PCYT1A: variants seen among roughly 807,000 people sequenced by gnomAD.
The protein encoded by PCYT1A is phosphate cytidylyltransferase 1A, choline, also known as choline-phosphate cytidylyltransferase A.
PCYT1A carries 25 observed loss-of-function variants against 43.7 expected under a neutral mutation model. The ratio of observed to expected loss-of-function variants is 0.57; its 90% confidence interval spans 0.42 to 0.80. PCYT1A has a LOEUF of 0.80. Among genes scored for constraint, PCYT1A ranks in the 30% least tolerant of loss-of-function variants. The pLI, the probability that PCYT1A is intolerant of heterozygous loss-of-function variation, is 0.00. For synonymous variants in PCYT1A, 172 were observed against 170.7 expected (o/e 1.01, Z -0.06); for missense variants, 421 against 474.2 (o/e 0.89, Z 1.04).
At position 196,245,612 on chromosome 3, in the gene PCYT1A, T is replaced by C. The variant is rs115304460; in HGVS notation, c.486+1755A>G. Among the ~76,000 whole-genome samples, 1,120 of 151,954 alleles carry C rather than the reference T, an allele frequency of 7.4e-3. 14 individuals carry two copies. Among genetic ancestry groups the C allele is most frequent in the African/African-American group, 0.026 (1,072 of 41,450 alleles). The stretch of plus-strand genomic sequence containing the variant: ...TACCATCCCCGAGAGACCACTGTAG[T>C]GTGAAGCATGTTCATTGGGACTATG... On this transcript the variant is annotated intron_variant, in intron 5 of 8. Transcript: ENST00000431016.
At chr3:196,255,538 T>C (rs1724927490) in intron 3 of PCYT1A, among the ~76,000 whole-genome samples, 1 of 152,116 alleles carries the variant, frequency 6.6e-6, no homozygotes, top group South Asian at 2.1e-4. Context: ...GCTTTAAAAC[T>C]TGGAAACAGG....
intron 3 of PCYT1A, 126 bp downstream of exon 3, chr3:196,257,661 AC>A (rs1724988365): frequency 1.7e-6 from 1 of 595,298 alleles, no homozygotes; most frequent in Non-Finnish European, 3.1e-6. Context: ...GGTGAGAAGA[AC>A]CCCTTCGCTG....
chr3:196,262,950 G>A (rs1455191807), intron 2 of PCYT1A, among the ~76,000 whole-genome samples: 2 of 151,778 alleles, frequency 1.3e-5, no homozygotes, highest in African/African-American at 4.8e-5. Flanking sequence ...ACCCACCACT[G>A]CGCCTGCTTA....
At chr3:196,283,106 G>A (rs1297486281) in intron 1 of PCYT1A, among the ~76,000 whole-genome samples, 1 of 152,232 alleles carries the variant, frequency 6.6e-6, no homozygotes, top group African/African-American at 2.4e-5. Context: ...GGGAGGCCGA[G>A]GCGGATGGAT....
intron 2 of PCYT1A, among the ~76,000 whole-genome samples, chr3:196,258,953 C>T (rs750241725): frequency 2.0e-5 from 3 of 152,166 alleles, no homozygotes; most frequent in Non-Finnish European, 4.4e-5. Flanking sequence ...GATATCTGGC[C>T]TCACAAAATA....
chr3:196,264,334 C>A (rs1651412187), intron 2 of PCYT1A, among the ~76,000 whole-genome samples: 1 of 152,134 alleles, frequency 6.6e-6, no homozygotes, highest in Admixed American at 6.5e-5. Context: ...AGGGATCCTC[C>A]CACCTTGGCC....
At chr3:196,278,576 G>C (rs868824338) in intron 1 of PCYT1A, among the ~76,000 whole-genome samples, 3 of 152,164 alleles carry the variant, frequency 2.0e-5, no homozygotes, top group African/African-American at 7.2e-5. Context: ...GAGACAGGAA[G>C]AAAAGTATTT....
At chr3:196,241,131 TAAAAAAAAAAAAAAAAAAAA>T (rs1209954920) in intron 7 of PCYT1A, among the ~76,000 whole-genome samples, 2 of 49,660 alleles carry the variant, frequency 4.0e-5, no homozygotes, top group South Asian at 1.1e-3. Flanking sequence ...CCATCTCTGC[TAAAAAAAAAAAAAAAAAAAA>T]AAAAAAAAAA....
chr3:196,267,238 A>C, intron 2 of PCYT1A: 1 of 439,742 alleles, frequency 2.3e-6, no homozygotes, highest in Non-Finnish European at 4.5e-6. Context: ...TGAATCTTCA[A>C]AACAAGCTCA....
Position 196,268,403 on chromosome 3 carries a change from T to C in PCYT1A, c.117+2012A>G, listed in dbSNP as rs1219201123. ...ATTGCTGAGTCACTTTCTGAGCTTA[T>C]TTGCTGTAGTATGCAGAATAATGCC... On this transcript the variant is annotated intron_variant, in intron 2 of 8. Transcript: ENST00000431016. The surrounding 1 kb of genome is among the most constrained non-coding windows in gnomAD (Gnocchi z 4.4). 2.0e-5 allele frequency among the ~76,000 whole-genome samples: 3 copies of C among 152,212 alleles called. No individual in the cohort carries two copies. The highest frequency in any genetic ancestry group is 4.4e-5 in the Non-Finnish European group (3 of 68,040).
At position 196,237,037 on chromosome 3, in the gene PCYT1A, G is replaced by A. The variant is rs1284242796; in HGVS notation, c.*1651C>T. 1 of 152,270 alleles carries A rather than the reference G, an allele frequency of 6.6e-6. No homozygotes were observed. Among genetic ancestry groups the A allele is most frequent in the East Asian group, 1.9e-4 (1 of 5,202 alleles). 9.4% of individuals were successfully genotyped at this position (152,270 alleles called of 1,614,324 possible). A position where few individuals can be genotyped will look rare whatever the true frequency, so the allele number is the denominator to read the frequency against. On this transcript the variant is annotated 3_prime_UTR_variant, in exon 9 of 9. Transcript: ENST00000431016. ...CAATGATTCTAGCCTCTGACCCTCA[G>A]GCGGAAAACTAGGTGTTACCAGAAA... is the stretch of plus-strand genomic sequence containing the variant.
chr3:196,277,919 GT>G lies in PCYT1A; in HGVS notation c.-10-7379del, dbSNP rs199576927. Among the ~76,000 whole-genome samples, 1,468 of 152,234 alleles carry G rather than the reference GT, an allele frequency of 9.6e-3. 20 individuals carry two copies. Among genetic ancestry groups the G allele is most frequent in the African/African-American group, 0.033 (1,359 of 41,530 alleles). On this transcript the variant is annotated intron_variant, in intron 1 of 8. Transcript: ENST00000431016. This position sits in a 1 kb window ranked among gnomAD's most constrained non-coding sequence, Gnocchi z 4.1. ...AACTTTTACTCTGTAGGTCTCACAA[GT>G]TTTTTTCATTTTTTCCCGGCCTTCT...
chr3:196,260,611 G>C (rs1286946415), intron 2 of PCYT1A, among the ~76,000 whole-genome samples: 1 of 152,198 alleles, frequency 6.6e-6, no homozygotes, highest in African/African-American at 2.4e-5. Context: ...GGGAGGCCGA[G>C]GCGGGTAGAC....
chr3:196,251,618 C>A (rs1054134547), intron 3 of PCYT1A: 2 of 152,278 alleles, frequency 1.3e-5, no homozygotes, highest in African/African-American at 4.8e-5. Context: ...TTTTCTAATT[C>A]TGGGAATTAT....
rs1471051693 is a variant in PCYT1A, at chr3:196,282,737, G to C, written c.-11+4878C>G. Among the ~76,000 whole-genome samples, 1 of 152,010 alleles carries C rather than the reference G, an allele frequency of 6.6e-6. No homozygotes were observed. Among genetic ancestry groups the C allele is most frequent in the East Asian group, 1.9e-4 (1 of 5,196 alleles). ...CCAAAGGAGTCCATAACACAAAAAA[G>C]ATTAAGATTCCTGTTCTACGGTCAA... On this transcript the variant is annotated intron_variant, in intron 1 of 8. Transcript: ENST00000431016. The surrounding 1 kb of genome is among the most constrained non-coding windows in gnomAD (Gnocchi z 4.3).
Position 196,242,539 on chromosome 3 carries a change from G to A in PCYT1A, c.565+23C>T, listed in dbSNP as rs1208463370. On this transcript the variant is annotated intron_variant, in intron 6 of 8. Coordinates refer to ENST00000431016, the MANE Select transcript of PCYT1A (RefSeq NM_001312673.2). This position sits in a 1 kb window ranked among gnomAD's most constrained non-coding sequence, Gnocchi z 4.2. ...TGCAGCTGCCCTGAGATCCCCTACA[G>A]TGAGGAAGCACAGCTCACTCACCTG... 2 of 1,515,196 alleles carry A rather than the reference G, an allele frequency of 1.3e-6. No homozygotes were observed. The highest frequency in any genetic ancestry group is 1.8e-6 in the Non-Finnish European group (2 of 1,089,844). 93.9% of individuals were successfully genotyped at this position (1,515,196 alleles called of 1,614,324 possible).
chr3:196,243,432 C>G (rs193169704), intron 5 of PCYT1A, among the ~76,000 whole-genome samples: 8 of 152,306 alleles, frequency 5.3e-5, no homozygotes, highest in Admixed American at 3.3e-4. Context: ...AGCCCTCTGA[C>G]TGGAATAGAT....
intron 1 of PCYT1A, among the ~76,000 whole-genome samples, chr3:196,271,688 A>G (rs1346049345): frequency 1.0e-5 from 1 of 95,472 alleles, no homozygotes; most frequent in Admixed American, 1.1e-4. Flanking sequence ...AGCCATAATC[A>G]TAGCACACTG....
Position 196,239,569 on chromosome 3 carries a change from AT to A in PCYT1A, c.874del (p.Met292CysfsTer8). ...SREFIGSFLEMFGPEGALKHM... is the reference protein window; with the variant it reads ...SREFIGSFLEXFGPEGALKHM... ...TACCAGTGCTCCTTCCGGACCAAACATTTCCAGAAAACTTCCAATGAATTCT... is the reference window on the plus strand; with the variant it reads ...TACCAGTGCTCCTTCCGGACCAAACATTCCAGAAAACTTCCAATGAATTCT... On this transcript the variant is annotated frameshift_variant, in exon 8 of 9. Coordinates refer to ENST00000431016, the MANE Select transcript of PCYT1A (RefSeq NM_001312673.2). LOFTEE classifies it high-confidence loss of function. 6.2e-7 allele frequency: 1 copy of A among 1,612,522 alleles called. No individual in the cohort carries two copies. The highest frequency in any genetic ancestry group is 1.7e-5 in the Admixed American group (1 of 60,018).
Sources: allele counts gnomAD v4.1 joint callset (sites outside exome capture counted in the v4.1 genomes callset), GRCh38; gene constraint gnomAD v4.1.1; non-coding constraint Gnocchi (gnomAD v3.1); transcripts MANE v1.5; gene names NCBI Gene and HGNC (gene_info 2026-07-23, HGNC 2026-07-21).